The following SH3BGR variants were observed in gnomAD, a reference collection of about 807,000 sequenced individuals.
SH3BGR encodes SH3 domain binding glutamate rich protein.
SH3BGR carries 29 observed loss-of-function variants against 24.5 expected under a neutral mutation model. The observed-to-expected ratio is 1.18, with a 90% confidence interval of 0.88 to 1.61. The LOEUF (loss-of-function observed/expected upper bound fraction) is 1.61, where lower values mean the gene tolerates loss of function less well. SH3BGR is among the 40% of genes most tolerant of loss of function. The pLI is 0.00. For synonymous variants in SH3BGR, 55 were observed against 65.7 expected, an observed-to-expected ratio of 0.84 and a Z score of 0.79; for missense variants, 162 against 205.8, an observed-to-expected ratio of 0.79 and a Z score of 1.30.
intron 1 of SH3BGR, among the ~76,000 whole-genome samples, chr21:39,453,418 G>C (rs756212475): frequency 6.6e-6 from 1 of 152,012 alleles, no homozygotes; most frequent in African/African-American, 2.4e-5. Context: ...AATTTTTTTG[G>C]GGGGGAAAAT....
intron 3 of SH3BGR, among the ~76,000 whole-genome samples, chr21:39,487,221 C>T (rs905876874): frequency 7.2e-5 from 11 of 152,178 alleles, no homozygotes; most frequent in African/African-American, 2.4e-4. Flanking sequence ...CGGCTCACTG[C>T]AGCCTCGACC....
chr21:39,459,868 C>T (rs2077726282), intron 1 of SH3BGR, among the ~76,000 whole-genome samples: 1 of 152,160 alleles, frequency 6.6e-6, no homozygotes, highest in Non-Finnish European at 1.5e-5. Context: ...TGCACCTGGT[C>T]TGATTACACT....
intron 2 of SH3BGR, among the ~76,000 whole-genome samples, chr21:39,470,471 A>T (rs1330223961): frequency 6.6e-6 from 1 of 152,138 alleles, no homozygotes; most frequent in East Asian, 1.9e-4. Context: ...CATGTTGGCC[A>T]GGCTGGTCTT....
At chr21:39,514,393 G>T (rs1029020515) in intron 6 of SH3BGR, among the ~76,000 whole-genome samples, 1 of 151,990 alleles carries the variant, frequency 6.6e-6, no homozygotes, top group Non-Finnish European at 1.5e-5. Context: ...TTGAGACAGG[G>T]TCTCACTCTG....
upstream of SH3BGR, among the ~76,000 whole-genome samples, chr21:39,449,518 A>G (rs995904316): frequency 2.0e-5 from 3 of 152,182 alleles, no homozygotes; most frequent in African/African-American, 7.2e-5. Context: ...AATGTTCGCT[A>G]TTCCTGTTAA....
chr21:39,468,052 G>A (rs1233709810), intron 2 of SH3BGR, among the ~76,000 whole-genome samples: 2 of 152,140 alleles, frequency 1.3e-5, no homozygotes, highest in African/African-American at 4.8e-5. Context: ...GGTAAGGGCC[G>A]GAGTGCCTGC....
intron 2 of SH3BGR, among the ~76,000 whole-genome samples, chr21:39,466,900 A>AT (rs56388428): frequency 0.042 from 6,279 of 150,138 alleles, 153 homozygotes; most frequent in South Asian, 0.063. Flanking sequence ...TTCAAAAGGG[A>AT]TTTTTTTTTT....
upstream of SH3BGR, among the ~76,000 whole-genome samples, chr21:39,451,304 A>G (rs1418178930): frequency 1.3e-5 from 2 of 152,186 alleles, no homozygotes; most frequent in African/African-American, 4.8e-5. Context: ...CAAGTAAATA[A>G]AATAGTGAGA....
chr21:39,479,230 T>A, intron 3 of SH3BGR, among the ~76,000 whole-genome samples: 1 of 124,788 alleles, frequency 8.0e-6, no homozygotes, highest in East Asian at 2.1e-4. Context: ...GTAAGGGTGG[T>A]GGTGGTGGTG....
intron 5 of SH3BGR, among the ~76,000 whole-genome samples, chr21:39,510,710 G>C (rs1005568349): frequency 5.9e-5 from 9 of 151,472 alleles, no homozygotes; most frequent in African/African-American, 2.2e-4. Flanking sequence ...TGCTAGGCCA[G>C]CTTCAAAATA....
intron 3 of SH3BGR, chr21:39,488,893 A>G (rs1057262068): frequency 6.3e-6 from 1 of 159,150 alleles, no homozygotes; most frequent in Non-Finnish European, 1.4e-5. Flanking sequence ...CACCCTTCCC[A>G]TCTTGTCTCT....
rs74901070 is a variant in SH3BGR, at chr21:39,488,664, C to T, written c.313-11159C>T. On this transcript the variant is annotated intron_variant, in intron 3 of 6. Transcript: ENST00000333634. ...AGGAAGAGAAGGGCACCATCATGGG[C>T]GCTGAAATCCGGCAAGTCCTTGTCA... is the stretch of plus-strand genomic sequence containing the variant. 996 of 375,762 alleles carry T rather than the reference C, an allele frequency of 2.7e-3. 8 individuals are homozygous for T. Among genetic ancestry groups the T allele is most frequent in the African/African-American group, 0.015 (722 of 47,474 alleles). The allele number at this position is 375,762 out of a possible 1,614,324, so 23.3% of individuals were successfully genotyped here. A position where few individuals can be genotyped will look rare whatever the true frequency, so the allele number is the denominator to read the frequency against.
At position 39,473,893 on chromosome 21, in the gene SH3BGR, A is replaced by AAC. The variant is rs573292054; in HGVS notation, c.232-1241_232-1240insCA. 1.8e-4 allele frequency among the ~76,000 whole-genome samples: 28 copies of AAC among 151,472 alleles called. No homozygotes were observed. In the East Asian group the frequency reaches 4.9e-3, roughly 26 times the overall value. ...CAGTGAGACTCTGTCTCAAAAAAAA[A>AAC]AACAAAAAACAGTAACACACAGGAA... On this transcript the variant is annotated intron_variant, in intron 2 of 6. Transcript: ENST00000333634.
intron 2 of SH3BGR, among the ~76,000 whole-genome samples, chr21:39,465,422 T>C (rs1405245122): frequency 1.3e-5 from 2 of 152,264 alleles, no homozygotes; most frequent in Non-Finnish European, 2.9e-5. Flanking sequence ...TAGCTCGTCC[T>C]ACTCTGAGGC....
chr21:39,453,923 G>A (rs895562115), intron 1 of SH3BGR, among the ~76,000 whole-genome samples: 1 of 152,178 alleles, frequency 6.6e-6, no homozygotes, highest in African/African-American at 2.4e-5. Flanking sequence ...GCTGCTATTA[G>A]TTAATATTAG....
Position 39,452,144 on chromosome 21 carries a change from A to G in SH3BGR, c.45+3A>G, listed in dbSNP as rs1280876908. On this transcript the variant is annotated splice_donor_region_variant and intron_variant, in intron 1 of 6. Coordinates refer to ENST00000333634, the MANE Select transcript of SH3BGR (RefSeq NM_007341.3). Reference sequence around the variant, plus strand: ...CTACATCTTCTGGGTCCATAGCGGTAGGTGTCTGGTGGACTCTTTCTTCCT... The same window carrying G: ...CTACATCTTCTGGGTCCATAGCGGTGGGTGTCTGGTGGACTCTTTCTTCCT... 3.7e-6 allele frequency: 6 copies of G among 1,614,024 alleles called. No homozygotes were observed. The highest frequency in any genetic ancestry group is 5.1e-6 in the Non-Finnish European group (6 of 1,180,018).
chr21:39,483,422 T>C (rs1227268077), intron 3 of SH3BGR, among the ~76,000 whole-genome samples: 1 of 152,258 alleles, frequency 6.6e-6, no homozygotes, highest in East Asian at 1.9e-4. Context: ...CTTGCATTTC[T>C]CCTGAGAAGT....
At chr21:39,458,162 CCTT>C (rs2077694125) in intron 1 of SH3BGR, among the ~76,000 whole-genome samples, 1 of 151,908 alleles carries the variant, frequency 6.6e-6, no homozygotes, top group Admixed American at 6.6e-5. Context: ...AAAGTGTAGT[CCTT>C]CTTGTAAACA....
chr21:39,484,073 G>A (rs910014389), intron 3 of SH3BGR, among the ~76,000 whole-genome samples: 2 of 152,218 alleles, frequency 1.3e-5, no homozygotes, highest in Non-Finnish European at 2.9e-5. Flanking sequence ...AAGAGCTGAG[G>A]CAAGAAAAGT....
Sources: allele counts gnomAD v4.1 joint callset (sites outside exome capture counted in the v4.1 genomes callset), GRCh38; gene constraint gnomAD v4.1.1; transcripts MANE v1.5; gene names NCBI Gene and HGNC (gene_info 2026-07-23, HGNC 2026-07-21).